Variants in PRIM2 observed in about 807,000 individuals in gnomAD.
PRIM2 encodes the protein DNA primase subunit 2, also known as DNA primase large subunit.
PRIM2 carries 39 observed loss-of-function variants against 67.3 expected under a neutral mutation model. That is an observed-to-expected ratio of 0.58 (90% confidence interval 0.45 to 0.76). The LOEUF (loss-of-function observed/expected upper bound fraction) is 0.76. Among genes scored for constraint, PRIM2 ranks in the 30% least tolerant of loss-of-function variants. The pLI is 0.00. For missense variants in PRIM2, 398 were observed against 598.7 expected, an observed-to-expected ratio of 0.66 and a Z score of 3.50; for synonymous variants, 143 against 198.7, an observed-to-expected ratio of 0.72 and a Z score of 2.36.
At chr6:57,258,833 C>A in the PRIM2 span, among the ~76,000 whole-genome samples, 5 of 152,132 alleles carry the variant, frequency 3.3e-5, no homozygotes, top group African/African-American at 9.7e-5. Context: ...CTCCTCCGCT[C>A]CCAGAACCTG....
chr6:57,312,083 T>C (rs1031380455), upstream of PRIM2, among the ~76,000 whole-genome samples: 4 of 151,074 alleles, frequency 2.6e-5, no homozygotes, highest in Non-Finnish European at 5.9e-5. Flanking sequence ...AGAGGGCTTT[T>C]CTACTGTTTT....
At chr6:57,542,999 C>A (rs1308600842) in intron 10 of PRIM2, among the ~76,000 whole-genome samples, 2 of 124,892 alleles carry the variant, frequency 1.6e-5, no homozygotes, top group South Asian at 2.5e-4. Flanking sequence ...AGTGCAGTGG[C>A]GCAATCTCGG....
intron 7 of PRIM2, among the ~76,000 whole-genome samples, chr6:57,445,107 CATGAT>C (rs1772322578): frequency 6.6e-6 from 1 of 152,158 alleles, no homozygotes; most frequent in Non-Finnish European, 1.5e-5. Context: ...TTCTAACTGT[CATGAT>C]ATATATCTTT....
At chr6:57,323,803 T>C (rs1240918177) in intron 3 of PRIM2, among the ~76,000 whole-genome samples, 1 of 151,490 alleles carries the variant, frequency 6.6e-6, no homozygotes, top group Admixed American at 6.6e-5. Context: ...AAAAGAAATG[T>C]TTTGGGACTG....
chr6:57,377,062 G>A (rs12208196), intron 5 of PRIM2, among the ~76,000 whole-genome samples: 1 of 146,864 alleles, frequency 6.8e-6, no homozygotes, highest in Non-Finnish European at 1.5e-5. Flanking sequence ...TTTTTTTTTG[G>A]TATCTTTAGT....
At chr6:57,288,235 A>T in the PRIM2 span, among the ~76,000 whole-genome samples, 1 of 152,126 alleles carries the variant, frequency 6.6e-6, no homozygotes, top group Non-Finnish European at 1.5e-5. Context: ...GGTGTCTGCC[A>T]TTGCTGAGGC....
chr6:57,512,276 T>G (rs1481868070), intron 8 of PRIM2, among the ~76,000 whole-genome samples: 2 of 152,214 alleles, frequency 1.3e-5, no homozygotes, highest in African/African-American at 2.4e-5. Flanking sequence ...ACTGCATCTG[T>G]GAGCTTCATG....
At chr6:57,642,814 G>A (rs1465900219) in intron 13 of PRIM2, among the ~76,000 whole-genome samples, 13 of 152,054 alleles carry the variant, frequency 8.5e-5, no homozygotes, top group Admixed American at 4.6e-4. Context: ...TTTGAGTATC[G>A]TTTAGTGTTT....
the PRIM2 span, among the ~76,000 whole-genome samples, chr6:57,273,351 T>A: frequency 0.059 from 8,996 of 152,254 alleles, 605 homozygotes; most frequent in African/African-American, 0.16. Flanking sequence ...TCTCTAAACT[T>A]CTCTTCTCAC....
intron 8 of PRIM2, among the ~76,000 whole-genome samples, chr6:57,525,930 T>C (rs1774741555): frequency 6.6e-6 from 1 of 152,198 alleles, no homozygotes; most frequent in Non-Finnish European, 1.5e-5. Context: ...TGAAGGTGTG[T>C]GTGTGGTGTT....
chr6:57,382,465 G>T, intron 7 of PRIM2: 1 of 230,412 alleles, frequency 4.3e-6, no homozygotes, highest in East Asian at 9.2e-5. Context: ...CTTAGAAATA[G>T]ACTTCGTATA....
intron 5 of PRIM2, among the ~76,000 whole-genome samples, chr6:57,344,930 A>C (rs1768619914): frequency 1.3e-5 from 2 of 152,138 alleles, no homozygotes; most frequent in Admixed American, 6.5e-5. Flanking sequence ...TAAAGGCTAA[A>C]ATTATCATAT....
Position 57,609,340 on chromosome 6 carries a change from T to TATC in PRIM2, c.1230+2885_1230+2887dup, listed in dbSNP as rs1444401435. On this transcript the variant is annotated intron_variant, in intron 12 of 13. Coordinates refer to ENST00000615550, the MANE Select transcript of PRIM2 (RefSeq NM_000947.5). ...ACAGCAAAGGGAAGTTGATGGAGTG[T>TATC]ATCAACTGGTCTTACTCTTCCTTGT... Among the ~76,000 whole-genome samples the TATC allele has an allele frequency of 3.9e-3, 597 of 152,300 alleles. 3 individuals are homozygous for TATC. The highest frequency in any genetic ancestry group is 0.014 in the African/African-American group (562 of 41,558).
At chr6:57,589,689 A>G (rs1229807107) in intron 10 of PRIM2, among the ~76,000 whole-genome samples, 3 of 152,268 alleles carry the variant, frequency 2.0e-5, no homozygotes, top group African/African-American at 4.8e-5. Flanking sequence ...TAATTTAGGG[A>G]TATACCAGGA....
chr6:57,398,001 C>G lies in PRIM2; in HGVS notation c.693+15833C>G, dbSNP rs113115904. 5.2e-4 allele frequency among the ~76,000 whole-genome samples: 73 copies of G among 139,162 alleles called. 1 individual carries two copies. Among genetic ancestry groups the G allele is most frequent in the African/African-American group, 1.8e-3 (66 of 37,066 alleles). 91.3% of individuals were successfully genotyped at this position (139,162 alleles called of 152,430 possible). A position where few individuals can be genotyped will look rare whatever the true frequency, so the allele number is the denominator to read the frequency against. On this transcript the variant is annotated intron_variant, in intron 7 of 13. Coordinates refer to ENST00000615550, the MANE Select transcript of PRIM2 (RefSeq NM_000947.5). ...TTTGAGACGGAGTCTTGCTCTTGTT[C>G]CAGGCTGGAGTGCAGTGGCGTGATC...
the PRIM2 span, among the ~76,000 whole-genome samples, chr6:57,272,828 A>G: frequency 6.6e-6 from 1 of 152,160 alleles, no homozygotes; most frequent in African/African-American, 2.4e-5. Flanking sequence ...CCTGATGGTG[A>G]CAAAATCTCT....
chr6:57,499,390 TG>T (rs1774079488), intron 7 of PRIM2, among the ~76,000 whole-genome samples: 1 of 152,200 alleles, frequency 6.6e-6, no homozygotes, highest in African/African-American at 2.4e-5. Context: ...CACCTTCTCC[TG>T]GCTCCTTCTC....
intron 13 of PRIM2, among the ~76,000 whole-genome samples, chr6:57,637,897 G>GA (rs1362937267): frequency 2.0e-5 from 3 of 152,118 alleles, no homozygotes; most frequent in African/African-American, 7.2e-5. Context: ...GAAATGCAGA[G>GA]AACACCACAA....
chr6:57,589,450 G>C (rs1297533549), intron 10 of PRIM2, among the ~76,000 whole-genome samples: 3 of 152,020 alleles, frequency 2.0e-5, no homozygotes, highest in African/African-American at 4.8e-5. Context: ...GGGAGAGGAG[G>C]CTATAAAGGA....
Sources: gnomAD v4.1 joint callset for allele counts (sites outside exome capture counted in the v4.1 genomes callset) on GRCh38, gnomAD v4.1.1 for gene constraint, MANE v1.5 for transcripts, NCBI Gene and HGNC (gene_info 2026-07-23, HGNC 2026-07-21) for gene names.